The following GLRA1 variants were observed in gnomAD, a reference collection of about 807,000 sequenced individuals.
The protein encoded by GLRA1 is glycine receptor subunit alpha-1.
In GLRA1, 37 loss-of-function variants were observed where a neutral mutation model predicts 48.3. That is an observed-to-expected ratio of 0.77 (90% CI 0.59 to 1.01). The LOEUF (loss-of-function observed/expected upper bound fraction) is 1.01. Ranked by LOEUF, GLRA1 falls within the 50% of genes least tolerant of loss-of-function variation. The pLI is 0.00. For missense variants in GLRA1, 427 were observed against 571.0 expected (o/e 0.75, Z 2.57); for synonymous variants, 196 against 210.7 (o/e 0.93, Z 0.60).
intron 1 of GLRA1, among the ~76,000 whole-genome samples, chr5:151,923,681 C>T (rs1021722542): frequency 2.0e-5 from 3 of 152,144 alleles, no homozygotes; most frequent in Admixed American, 6.5e-5. Context: ...AAAATTTTAA[C>T]CTGAGAGACA....
intron 7 of GLRA1, among the ~76,000 whole-genome samples, chr5:151,839,587 C>T (rs1763663120): frequency 6.6e-6 from 1 of 152,106 alleles, no homozygotes; most frequent in African/African-American, 2.4e-5. Flanking sequence ...TGTTGAAGTC[C>T]TTACCCCCAT....
At chr5:151,841,074 G>A (rs1372220422) in intron 7 of GLRA1, among the ~76,000 whole-genome samples, 1 of 152,042 alleles carries the variant, frequency 6.6e-6, no homozygotes, top group Non-Finnish European at 1.5e-5. Flanking sequence ...ACAGAAGAAT[G>A]TACATTCTTC....
chr5:151,889,110 A>G (rs1469763488), intron 2 of GLRA1, among the ~76,000 whole-genome samples: 2 of 152,130 alleles, frequency 1.3e-5, no homozygotes, highest in Admixed American at 1.3e-4. Flanking sequence ...CTCCCATATA[A>G]ATTAGTTTCT....
intron 7 of GLRA1, chr5:151,850,769 AT>A: frequency 1.0e-6 from 1 of 1,000,264 alleles, no homozygotes; most frequent in Non-Finnish European, 1.6e-6. Flanking sequence ...GAAACCGGCA[AT>A]GAGCCCTTCC....
chr5:151,865,232 T>C (rs530165109), intron 3 of GLRA1, among the ~76,000 whole-genome samples: 2 of 152,250 alleles, frequency 1.3e-5, no homozygotes, highest in East Asian at 3.9e-4. Flanking sequence ...GTTTACACCA[T>C]ACTGAGGAAA....
In GLRA1 at chr5:151,826,281, C is replaced by G. The variant is rs554200848; in HGVS notation, c.1059+2640G>C. 2.0e-5 allele frequency among the ~76,000 whole-genome samples: 3 copies of G among 152,232 alleles called. No homozygotes were observed. The South Asian group carries it at 6.2e-4, about 32-fold the overall frequency. ...GTTTTTAAATGCTGACCCCTTAAGTCCAGATTTTAAAAACACTCCAGGCCA... is the reference window on the plus strand; with the variant it reads ...GTTTTTAAATGCTGACCCCTTAAGTGCAGATTTTAAAAACACTCCAGGCCA... On this transcript the variant is annotated intron_variant, in intron 8 of 8. Transcript: ENST00000274576.
Position 151,822,751 on chromosome 5 carries a change from G to T in GLRA1, c.1272C>A (p.Pro424=). Residue 424 remains proline, a synonymous_variant, in exon 9 of 9, where the codon CCC becomes CCA. Transcript: ENST00000274576. ...ACATGTTGAAAATGAGGAAGGCCAT[G>T]GGGAAGCCAATGCGGGATATTTTGT... is the stretch of plus-strand genomic sequence containing the variant. ...KIDKISRIGF[P]MAFLIFNMFY... 3 of 1,613,772 alleles carry T rather than the reference G, an allele frequency of 1.9e-6. No homozygotes were observed. The highest frequency in any genetic ancestry group is 2.5e-6 in the Non-Finnish European group (3 of 1,179,716).
intron 3 of GLRA1, among the ~76,000 whole-genome samples, chr5:151,873,075 A>G (rs1194051603): frequency 6.7e-6 from 1 of 149,616 alleles, no homozygotes; most frequent in Non-Finnish European, 1.5e-5. Context: ...TTATTGAACT[A>G]ATTACAAAAG....
intron 6 of GLRA1, among the ~76,000 whole-genome samples, 165 bp from the exon 7 acceptor site, chr5:151,851,769 G>A (rs970479562): frequency 2.0e-5 from 3 of 152,104 alleles, no homozygotes; most frequent in African/African-American, 7.2e-5. Context: ...ATAGTAAACT[G>A]GGGATAATAA....
intron 7 of GLRA1, among the ~76,000 whole-genome samples, chr5:151,842,727 G>T (rs1335095582): frequency 6.6e-6 from 1 of 152,126 alleles, no homozygotes; most frequent in African/African-American, 2.4e-5. Context: ...ATTCTTCATT[G>T]TACTGGGAGA....
intron 3 of GLRA1, among the ~76,000 whole-genome samples, chr5:151,862,636 A>C (rs1398290166): frequency 2.0e-5 from 3 of 152,218 alleles, no homozygotes; most frequent in African/African-American, 7.2e-5. Flanking sequence ...CAATTAGGGA[A>C]ATGTTAGACC....
chr5:151,833,213 C>A (rs541482126), intron 7 of GLRA1, among the ~76,000 whole-genome samples: 1 of 152,122 alleles, frequency 6.6e-6, no homozygotes, highest in South Asian at 2.1e-4. Context: ...TTGTGAAGAC[C>A]GTTGACACTA....
At chr5:151,858,800 A>T (rs188853150) in intron 4 of GLRA1, among the ~76,000 whole-genome samples, 1 of 152,278 alleles carries the variant, frequency 6.6e-6, no homozygotes, top group Admixed American at 6.5e-5. Context: ...TCCCTGAAGG[A>T]CTGGAGCAGG....
intron 3 of GLRA1, among the ~76,000 whole-genome samples, chr5:151,860,751 A>G (rs2113360919): frequency 6.6e-6 from 1 of 152,272 alleles, no homozygotes; most frequent in East Asian, 1.9e-4. Context: ...TTATACTTTA[A>G]GTTCTAGGGT....
chr5:151,842,507 T>C (rs1763737299), intron 7 of GLRA1, among the ~76,000 whole-genome samples: 1 of 152,186 alleles, frequency 6.6e-6, no homozygotes, highest in African/African-American at 2.4e-5. Flanking sequence ...AAATATCACA[T>C]GATCCTCTAA....
intron 5 of GLRA1, among the ~76,000 whole-genome samples, chr5:151,855,593 T>A (rs182511247): frequency 6.6e-6 from 1 of 152,296 alleles, no homozygotes; most frequent in Admixed American, 6.5e-5. Flanking sequence ...AAAAGGTGAC[T>A]CAAGCTAGGC....
chr5:151,884,629 G>A (rs1401127692), intron 3 of GLRA1, among the ~76,000 whole-genome samples: 1 of 152,166 alleles, frequency 6.6e-6, no homozygotes, highest in Non-Finnish European at 1.5e-5. Context: ...TAATCACCAT[G>A]GGAAGTAAGG....
chr5:151,900,536 G>A (rs1263651482), intron 1 of GLRA1, among the ~76,000 whole-genome samples: 2 of 152,188 alleles, frequency 1.3e-5, no homozygotes, highest in African/African-American at 4.8e-5. Context: ...CCCCCAAATA[G>A]CCTGAGAGGT....
At chr5:151,873,143 G>A (rs938735743) in intron 3 of GLRA1, among the ~76,000 whole-genome samples, 6 of 149,612 alleles carry the variant, frequency 4.0e-5, no homozygotes, top group African/African-American at 1.3e-4. Flanking sequence ...GCTGCTGTCC[G>A]TAAGCATACT....
Sources: allele counts gnomAD v4.1 joint callset (sites outside exome capture counted in the v4.1 genomes callset), GRCh38; gene constraint gnomAD v4.1.1; transcripts MANE v1.5; gene names NCBI Gene and HGNC (gene_info 2026-07-23, HGNC 2026-07-21).